RABL6: variants seen among roughly 807,000 people sequenced by gnomAD.
RABL6 encodes the protein rab-like protein 6.
RABL6 carries 28 observed loss-of-function variants against 72.9 expected under a neutral mutation model. The observed-to-expected ratio is 0.38, with a 90% CI of 0.28 to 0.53. RABL6 has a LOEUF of 0.53. RABL6 is among the 20% of genes least tolerant of loss of function. The pLI is 0.80. For missense variants in RABL6, 1,029 were observed against 1,008.4 expected (o/e 1.02, Z -0.28); for synonymous variants, 477 against 421.2 (o/e 1.13, Z -1.62).
In RABL6 at chr9:136,823,651, G is replaced by A. The variant is rs1848290354; in HGVS notation, c.257G>A (p.Ser86Asn). Reference protein sequence around the residue: ...QEIQVTSIHWSYKTTDDIVKV... With the variant: ...QEIQVTSIHWNYKTTDDIVKV... ...ATCCAGGTCACCAGCATCCACTGGA[G>A]CTACAAGAGTAAGTGTGGTGGGTGC... is the stretch of plus-strand genomic sequence containing the variant. Residue 86 changes from serine (S) to asparagine (N), a missense_variant, in exon 2 of 15, where the codon AGC becomes AAC. Physicochemically the swap from Ser to Asn is conservative, Grantham distance 46. Around this residue, in one of 2 missense-constraint regions of RABL6, gnomAD observed 434 missense variants for 536.1 expected, o/e 0.81. Coordinates refer to ENST00000311502, the MANE Select transcript of RABL6 (RefSeq NM_024718.5). 6.2e-7 allele frequency: 1 copy of A among 1,611,068 alleles called. No individual in the cohort carries two copies. The highest frequency in any genetic ancestry group is 1.1e-5 in the South Asian group (1 of 90,824).
Position 136,840,722 on chromosome 9 carries a change from G to C in RABL6, c.*200G>C, listed in dbSNP as rs1171783989. ...TTCAGGCCCAGTGTGAGCCTGCTCT[G>C]CAAGAAGGGAGGGGACAGCTGGCTT... On this transcript the variant is annotated 3_prime_UTR_variant, in exon 15 of 15. Coordinates refer to ENST00000311502, the MANE Select transcript of RABL6 (RefSeq NM_024718.5). 2.6e-6 allele frequency: 4 copies of C among 1,548,560 alleles called. No homozygotes were observed. The highest frequency in any genetic ancestry group is 3.5e-6 in the Non-Finnish European group (4 of 1,146,842).
chr9:136,837,159 G>GC, intron 8 of RABL6, 187 bp from the exon 9 acceptor site: 1 of 743,230 alleles, frequency 1.3e-6, no homozygotes, highest in Non-Finnish European at 2.4e-6. Flanking sequence ...ACAGGCATGA[G>GC]CCACCGTGCC....
chr9:136,821,604 G>A (rs1454836662), intron 1 of RABL6: 5 of 987,184 alleles, frequency 5.1e-6, no homozygotes, highest in East Asian at 1.1e-4. Context: ...TGTGGGCCGC[G>A]CCCGGGTTCC....
chr9:136,825,662 G>A, intron 2 of RABL6, 117 bp from the exon 3 acceptor site: 1 of 1,124,474 alleles, frequency 8.9e-7, no homozygotes, highest in East Asian at 2.3e-5. Context: ...TGGACACTCG[G>A]AAGTCCTGGT....
intron 6 of RABL6, 61 bp downstream of exon 6, chr9:136,831,922 G>T (rs940071547): frequency 6.2e-5 from 96 of 1,538,832 alleles, no homozygotes; most frequent in Non-Finnish European, 7.8e-5. Flanking sequence ...GCGGGGGAGG[G>T]TGCTGAGGCA....
rs147124725 is a variant in RABL6, at chr9:136,839,820, G to A, written c.1885G>A (p.Gly629Arg). 1,180 of 1,612,694 alleles carry A rather than the reference G, an allele frequency of 7.3e-4. 4 individuals are homozygous for A. The highest frequency in any genetic ancestry group is 9.1e-4 in the Non-Finnish European group (1,070 of 1,179,812). The change falls in exon 13 of 15, where the codon GGG becomes AGG. Residue 629 changes from glycine to arginine, a missense_variant. This residue lies in a region of RABL6 where 595 missense variants were observed against 472.4 expected (regional missense o/e 1.26). Coordinates refer to ENST00000311502, the MANE Select transcript of RABL6 (RefSeq NM_024718.5). ...FRLKNDSDLF[G>R]LGLEEAGPKE... ...ACTGAAGAATGACTCGGACCTCTTC[G>A]GGCTGGGGCTGGAGGAGGCCGGACC...
At chr9:136,838,102 G>A (rs1246135608) in intron 10 of RABL6, 87 bp downstream of exon 10, 34 of 1,467,560 alleles carry the variant, frequency 2.3e-5, no homozygotes, top group Admixed American at 6.2e-5. Context: ...TTCTAGGGGC[G>A]CAGAAGGGGC....
In RABL6 at chr9:136,837,640, C is replaced by T. The variant is rs765845388; in HGVS notation, c.1104C>T (p.Thr368=). 22 of 1,593,898 alleles carry T rather than the reference C, an allele frequency of 1.4e-5. No individual in the cohort carries two copies. The highest frequency in any genetic ancestry group is 3.4e-5 in the South Asian group (3 of 87,858). ...ISRLFGTSPA[T]EAAPPPPEPV... is the part of the protein sequence containing the mutation. ...GGCTGTTTGGGACGTCACCTGCCAC[C>T]GAGGCAGCCCCTCCACCTCCAGGTA... The change falls in exon 9 of 15, where the codon ACC becomes ACT. Residue 368 remains threonine, a synonymous_variant. Coordinates refer to ENST00000311502, the MANE Select transcript of RABL6 (RefSeq NM_024718.5).
chr9:136,839,302 CTG>C lies in RABL6; in HGVS notation c.1576_1577del (p.Val526SerfsTer15). 1 of 1,612,132 alleles carries C rather than the reference CTG, an allele frequency of 6.2e-7. No individual in the cohort carries two copies. The highest frequency in any genetic ancestry group is 8.5e-7 in the Non-Finnish European group (1 of 1,179,634). ...GCACCCCCCTGGCCAGGCGGTGTCT[CTG>C]TTCGCACAGGTCCGGAGAAGCGCAG... On this transcript the variant is annotated frameshift_variant, in exon 12 of 15. Coordinates refer to ENST00000311502, the MANE Select transcript of RABL6 (RefSeq NM_024718.5). LOFTEE classifies it high-confidence loss of function.
rs376102803 is a variant in RABL6, at chr9:136,833,856, C to T, written c.705+1486C>T. 5.8e-5 allele frequency: 90 copies of T among 1,550,526 alleles called. 1 individual carries two copies. The highest frequency in any genetic ancestry group is 1.7e-4 in the East Asian group (7 of 40,920). ...GGCGGCAGTCAGACTTGTCCTGTGC[C>T]GGCACTGCTGGGGAGGCCCCTCCTT... On this transcript the variant is annotated intron_variant, in intron 7 of 14. Coordinates refer to ENST00000311502, the MANE Select transcript of RABL6 (RefSeq NM_024718.5).
In RABL6 at chr9:136,835,727, G is replaced by A; in HGVS notation, c.706-15G>A. 6.5e-7 allele frequency: 1 copy of A among 1,546,018 alleles called. No homozygotes were observed. Among genetic ancestry groups the A allele is most frequent in the South Asian group, 1.2e-5 (1 of 83,870 alleles). ...GAAGGAGCCCTGCTCAGGCCTGCGTGCTCCCTTTCTGCAGAGGGAGACGCT... is the reference window on the plus strand; with the variant it reads ...GAAGGAGCCCTGCTCAGGCCTGCGTACTCCCTTTCTGCAGAGGGAGACGCT... On this transcript the variant is annotated splice_polypyrimidine_tract_variant and intron_variant, in intron 7 of 14. Coordinates refer to ENST00000311502, the MANE Select transcript of RABL6 (RefSeq NM_024718.5).
chr9:136,834,929 TAAAAAAAA>T (rs71385775), intron 7 of RABL6, among the ~76,000 whole-genome samples: 2 of 74,406 alleles, frequency 2.7e-5, no homozygotes, highest in Non-Finnish European at 2.6e-5. Flanking sequence ...GACCCTGTTC[TAAAAAAAA>T]AAAAAAAAAA....
rs558547440 is a variant in RABL6, at chr9:136,840,713, G to C, written c.*191G>C. 9.0e-6 allele frequency: 14 copies of C among 1,548,728 alleles called. No individual in the cohort carries two copies. The highest frequency in any genetic ancestry group is 4.8e-5 in the South Asian group (4 of 83,984). On this transcript the variant is annotated 3_prime_UTR_variant, in exon 15 of 15. Transcript: ENST00000311502. ...TGCTGGGCCTTCAGGCCCAGTGTGA[G>C]CCTGCTCTGCAAGAAGGGAGGGGAC...
intron 5 of RABL6, among the ~76,000 whole-genome samples, chr9:136,830,704 C>G (rs1215115316): frequency 6.6e-6 from 1 of 152,272 alleles, no homozygotes; most frequent in Non-Finnish European, 1.5e-5. Context: ...CTGGAGGGAG[C>G]TGCAGCCGCC....
intron 1 of RABL6, among the ~76,000 whole-genome samples, chr9:136,822,850 AG>A (rs1348691852): frequency 2.0e-5 from 3 of 152,200 alleles, no homozygotes; most frequent in Admixed American, 6.5e-5. Flanking sequence ...GCACTTTGGG[AG>A]GCCAAGGCGG....
chr9:136,825,726 C>G (rs977107978), intron 2 of RABL6, 53 bp from the exon 3 acceptor site: 4 of 1,581,658 alleles, frequency 2.5e-6, no homozygotes, highest in Admixed American at 3.3e-5. Context: ...CCGCTTTGTG[C>G]CACCTTGGGA....
intron 7 of RABL6, chr9:136,833,647 C>T: frequency 6.5e-7 from 1 of 1,539,662 alleles, no homozygotes; most frequent in Non-Finnish European, 8.8e-7. Context: ...ACCTCCTCGC[C>T]CTGGGCTGCC....
At chr9:136,809,434 GC>G in intron 1 of RABL6, 1 of 318,640 alleles carries the variant, frequency 3.1e-6, no homozygotes, top group Non-Finnish European at 6.6e-6. Context: ...TTAGCAGTAA[GC>G]AAGATAAAAC....
At chr9:136,816,968 T>C (rs992119184) in intron 1 of RABL6, among the ~76,000 whole-genome samples, 1 of 152,076 alleles carries the variant, frequency 6.6e-6, no homozygotes, top group African/African-American at 2.4e-5. Flanking sequence ...TTGATAAAGA[T>C]GTAAAAGGAA....
Sources: gnomAD v4.1 joint callset for allele counts (sites outside exome capture counted in the v4.1 genomes callset) on GRCh38, gnomAD v4.1.1 for gene constraint, gnomAD v4.1.1 regional missense constraint, MANE v1.5 for transcripts, NCBI Gene and HGNC (gene_info 2026-07-23, HGNC 2026-07-21) for gene names.